The following PLCB1 variants were observed in gnomAD, a reference collection of about 807,000 sequenced individuals.
The protein encoded by PLCB1 is phospholipase C beta 1.
In PLCB1, 46 loss-of-function variants were observed where a neutral mutation model predicts 161.8. The ratio of observed to expected loss-of-function variants is 0.28; its 90% CI spans 0.22 to 0.36. The LOEUF is 0.36. Ranked by LOEUF, PLCB1 falls within the 10% of genes least tolerant of loss-of-function variation. PLCB1 has a pLI of 1.00. For synonymous variants in PLCB1, 517 were observed against 503.7 expected, an observed-to-expected ratio of 1.03 and a Z score of -0.35; for missense variants, 1,016 against 1,472.5, an observed-to-expected ratio of 0.69 and a Z score of 5.07.
chr20:8,863,371 A>G (rs1317754718), intron 31 of PLCB1, among the ~76,000 whole-genome samples: 1 of 152,244 alleles, frequency 6.6e-6, no homozygotes, highest in Non-Finnish European at 1.5e-5. Flanking sequence ...CATTAAATAC[A>G]TGAATGATCC....
chr20:8,327,597 A>G (rs1985207195), intron 2 of PLCB1, among the ~76,000 whole-genome samples: 1 of 152,184 alleles, frequency 6.6e-6, no homozygotes. Flanking sequence ...GAAGGCCTCT[A>G]CCATAGAAGG....
At chr20:8,347,352 G>A (rs1056664406) in intron 2 of PLCB1, among the ~76,000 whole-genome samples, 1 of 152,170 alleles carries the variant, frequency 6.6e-6, no homozygotes, top group Non-Finnish European at 1.5e-5. Context: ...GCTTTACAAA[G>A]GTAAGTGCCT....
At chr20:8,832,562 A>C (rs1986064181) in intron 31 of PLCB1, among the ~76,000 whole-genome samples, 1 of 152,184 alleles carries the variant, frequency 6.6e-6, no homozygotes, top group African/African-American at 2.4e-5. Flanking sequence ...CATTTTAAAA[A>C]TTTGAGTGCG....
intron 2 of PLCB1, among the ~76,000 whole-genome samples, chr20:8,287,459 C>T (rs1983173550): frequency 6.6e-6 from 1 of 152,144 alleles, no homozygotes; most frequent in Non-Finnish European, 1.5e-5. Context: ...AGGAGGCTTG[C>T]TAAGGCATGT....
intron 3 of PLCB1, among the ~76,000 whole-genome samples, chr20:8,558,641 T>C (rs1238033684): frequency 6.6e-6 from 1 of 151,886 alleles, no homozygotes; most frequent in African/African-American, 2.4e-5. Context: ...AGAGAAATTG[T>C]AATCAAACTG....
intron 31 of PLCB1, chr20:8,802,205 A>G: frequency 8.6e-7 from 1 of 1,167,380 alleles, no homozygotes; most frequent in Non-Finnish European, 1.3e-6. Context: ...CGCTTTTGAG[A>G]GAAGGGTGGT....
At chr20:8,480,917 AAT>A (rs1982472348) in intron 3 of PLCB1, among the ~76,000 whole-genome samples, 2 of 152,218 alleles carry the variant, frequency 1.3e-5, no homozygotes, top group African/African-American at 4.8e-5. Context: ...AAGCCTGGCC[AAT>A]ATGGCGAAAC....
At chr20:8,795,170 T>C (rs966405519) in intron 31 of PLCB1, among the ~76,000 whole-genome samples, 1 of 152,184 alleles carries the variant, frequency 6.6e-6, no homozygotes, top group African/African-American at 2.4e-5. Context: ...TTATTTTAGA[T>C]TGTCCCACTT....
chr20:8,359,801 A>G (rs1986481605), intron 2 of PLCB1, among the ~76,000 whole-genome samples: 1 of 152,240 alleles, frequency 6.6e-6, no homozygotes, highest in South Asian at 2.1e-4. Context: ...CATTTTTGAA[A>G]GATTCCAAAA....
intron 2 of PLCB1, among the ~76,000 whole-genome samples, chr20:8,337,245 A>G (rs1429963454): frequency 6.6e-6 from 1 of 152,224 alleles, no homozygotes; most frequent in Non-Finnish European, 1.5e-5. Context: ...TTATTGATAA[A>G]GAATGTGAGG....
Position 8,333,412 on chromosome 20 carries a change from A to T in PLCB1, c.178-37970A>T, listed in dbSNP as rs559769446. On this transcript the variant is annotated intron_variant, in intron 2 of 31. Transcript: ENST00000338037. ...AGCTTTTTACAATGCTGAGTAAGTCATTGAACTTAGCAGTGTCTCCTGTTA... is the reference window on the plus strand; with the variant it reads ...AGCTTTTTACAATGCTGAGTAAGTCTTTGAACTTAGCAGTGTCTCCTGTTA... Among the ~76,000 whole-genome samples the T allele has an allele frequency of 2.0e-5, 3 of 152,348 alleles. No homozygotes were observed. In the East Asian group the frequency reaches 5.8e-4, roughly 29 times the overall value.
At chr20:8,281,866 A>T (rs1982891577) in intron 2 of PLCB1, among the ~76,000 whole-genome samples, 3 of 152,114 alleles carry the variant, frequency 2.0e-5, no homozygotes, top group Non-Finnish European at 4.4e-5. Flanking sequence ...ACTCAATTGT[A>T]GGGAGGTTTG....
At chr20:8,466,564 C>T (rs1217286445) in intron 3 of PLCB1, among the ~76,000 whole-genome samples, 1 of 152,076 alleles carries the variant, frequency 6.6e-6, no homozygotes, top group Non-Finnish European at 1.5e-5. Context: ...TTTTTGCCAT[C>T]CACAACAAAA....
intron 3 of PLCB1, among the ~76,000 whole-genome samples, chr20:8,425,694 A>G (rs73591800): frequency 0.013 from 2,022 of 152,324 alleles, 41 homozygotes; most frequent in African/African-American, 0.046. Flanking sequence ...CTTTGCCTCT[A>G]AATTAGGTGA....
chr20:8,824,578 G>A (rs1985596292), intron 31 of PLCB1, among the ~76,000 whole-genome samples: 1 of 152,122 alleles, frequency 6.6e-6, no homozygotes, highest in Non-Finnish European at 1.5e-5. Context: ...CAAGAATAAT[G>A]CTACTGAGAT....
intron 11 of PLCB1, among the ~76,000 whole-genome samples, chr20:8,701,045 T>A (rs11905412): frequency 0.18 from 26,896 of 152,228 alleles, 3,990 homozygotes; most frequent in African/African-American, 0.41. Flanking sequence ...AGCACAGAGC[T>A]GGCACTAGAG....
intron 2 of PLCB1, among the ~76,000 whole-genome samples, chr20:8,343,328 G>A (rs1207156258): frequency 9.2e-5 from 14 of 152,158 alleles, no homozygotes; most frequent in Admixed American, 7.2e-4. Flanking sequence ...ATCCCCTGTA[G>A]GCATGTGAAA....
intron 3 of PLCB1, among the ~76,000 whole-genome samples, chr20:8,602,742 AC>A (rs1442571219): frequency 1.3e-5 from 2 of 152,260 alleles, no homozygotes; most frequent in African/African-American, 2.4e-5. Context: ...GATGTCAAAT[AC>A]ATAGGCCTTT....
chr20:8,389,049 C>T (rs1850590569), intron 3 of PLCB1, among the ~76,000 whole-genome samples: 1 of 151,994 alleles, frequency 6.6e-6, no homozygotes, highest in Non-Finnish European at 1.5e-5. Context: ...CAATAGTGCA[C>T]AAGATAAGAT....
Sources: gnomAD v4.1 joint callset for allele counts (sites outside exome capture counted in the v4.1 genomes callset) on GRCh38, gnomAD v4.1.1 for gene constraint, MANE v1.5 for transcripts, NCBI Gene and HGNC (gene_info 2026-07-23, HGNC 2026-07-21) for gene names.